The following GLRA2 variants were observed in gnomAD, a reference collection of about 807,000 sequenced individuals.
GLRA2 encodes glycine receptor alpha 2.
In GLRA2, 11 loss-of-function variants were observed where a neutral mutation model predicts 31.6. The ratio of observed to expected loss-of-function variants is 0.35; its 90% CI spans 0.22 to 0.58. GLRA2 has a LOEUF of 0.58. Ranked by LOEUF, GLRA2 falls within the 20% of genes least tolerant of loss-of-function variation. The probability of loss-of-function intolerance (pLI) is 0.84; values close to 1 mark genes in which losing one functional copy is unlikely to be tolerated. For missense variants in GLRA2, 212 were observed against 351.8 expected (o/e 0.60, Z 3.18); for synonymous variants, 132 against 134.0 (o/e 0.99, Z 0.10).
chrX:14,667,144 T>C (rs1387151906), intron 7 of GLRA2, among the ~76,000 whole-genome samples: 3 of 112,296 alleles, frequency 2.7e-5, no homozygotes, highest in African/African-American at 6.5e-5. Flanking sequence ...GATGAGAATT[T>C]ATTTAAGTGA....
At chrX:14,626,169 CAT>C (rs2147114266) in intron 7 of GLRA2, among the ~76,000 whole-genome samples, 1 of 112,195 alleles carries the variant, frequency 8.9e-6, no homozygotes, top group East Asian at 2.8e-4. Context: ...GAAACTAAAA[CAT>C]AAATAGCTTA....
At chrX:14,607,668 G>A (rs903120162) in intron 6 of GLRA2, among the ~76,000 whole-genome samples, 2 of 111,362 alleles carry the variant, frequency 1.8e-5, no homozygotes, top group African/African-American at 6.5e-5. Context: ...CTGTCTTACT[G>A]CCTTAGTGCC....
At chrX:14,467,470 G>A in the GLRA2 span, among the ~76,000 whole-genome samples, 2 of 112,034 alleles carry the variant, frequency 1.8e-5, no homozygotes, top group African/African-American at 6.5e-5. Context: ...TTCTTTAAAT[G>A]TCTTGGAATA....
intron 7 of GLRA2, among the ~76,000 whole-genome samples, chrX:14,666,418 G>C (rs781290663): frequency 1.8e-5 from 2 of 111,861 alleles, no homozygotes; most frequent in East Asian, 5.6e-4. Context: ...AAGAATTGTA[G>C]CAGGAAAGTT....
chrX:14,588,456 C>T (rs1476340472), intron 4 of GLRA2, among the ~76,000 whole-genome samples: 2 of 111,307 alleles, frequency 1.8e-5, no homozygotes, highest in Non-Finnish European at 3.8e-5. Flanking sequence ...GTTTTTGTAC[C>T]AGTACCATGT....
the GLRA2 span, among the ~76,000 whole-genome samples, chrX:14,452,099 A>G: frequency 2.7e-5 from 3 of 112,332 alleles, no homozygotes; most frequent in African/African-American, 9.7e-5. Context: ...TCATGTCCCA[A>G]AACTCAGCAT....
chrX:14,618,988 T>G (rs2090484276), intron 7 of GLRA2, among the ~76,000 whole-genome samples: 1 of 111,718 alleles, frequency 9.0e-6, no homozygotes, highest in African/African-American at 3.3e-5. Context: ...GTTAATTAGA[T>G]CGGACACACC....
At position 14,566,643 on chromosome X, in the gene GLRA2, A is replaced by G. The variant is rs984740788; in HGVS notation, c.203-7690A>G. On this transcript the variant is annotated intron_variant, in intron 2 of 8. Transcript: ENST00000218075. ...GTCTCATATTCTTCTTCCCACCTGAATGGTAGCCAGAGGTAAAACTTAGAG... is the reference window on the plus strand; with the variant it reads ...GTCTCATATTCTTCTTCCCACCTGAGTGGTAGCCAGAGGTAAAACTTAGAG... Among the ~76,000 whole-genome samples, 57 of 111,565 alleles carry G rather than the reference A, an allele frequency of 5.1e-4. 2 individuals are homozygous for G. Among genetic ancestry groups the G allele is most frequent in the Non-Finnish European group, 3.0e-4 (16 of 53,007 alleles).
At chrX:14,587,763 C>T (rs766605244) in intron 4 of GLRA2, among the ~76,000 whole-genome samples, 1 of 111,804 alleles carries the variant, frequency 8.9e-6, no homozygotes, top group East Asian at 2.8e-4. Context: ...TTGATAATTT[C>T]TTTTGCTGTG....
At chrX:14,505,659 A>G in the GLRA2 span, among the ~76,000 whole-genome samples, 1 of 111,900 alleles carries the variant, frequency 8.9e-6, no homozygotes, top group East Asian at 2.8e-4. Context: ...TGGCTGCAAA[A>G]TGAATACTTG....
chrX:14,616,385 G>C (rs1474844783), intron 7 of GLRA2, among the ~76,000 whole-genome samples: 1 of 111,221 alleles, frequency 9.0e-6, no homozygotes, highest in African/African-American at 3.3e-5. Flanking sequence ...CAAGGATCCA[G>C]AGGCATTGTC....
chrX:14,536,082 C>T (rs1359364419), intron 2 of GLRA2, among the ~76,000 whole-genome samples: 3 of 111,970 alleles, frequency 2.7e-5, no homozygotes, highest in Non-Finnish European at 1.9e-5. Context: ...TTGTGCCTGC[C>T]ATGCACACTA....
chrX:14,482,732 A>G, the GLRA2 span, among the ~76,000 whole-genome samples: 1 of 110,928 alleles, frequency 9.0e-6, no homozygotes, highest in Non-Finnish European at 1.9e-5. Flanking sequence ...TTTTTTAATC[A>G]TTATCATAAT....
intron 7 of GLRA2, among the ~76,000 whole-genome samples, chrX:14,666,491 C>A (rs770834191): frequency 1.8e-5 from 2 of 111,864 alleles, no homozygotes; most frequent in Non-Finnish European, 3.8e-5. Flanking sequence ...TTAAGTGCTA[C>A]TATCCAGGAA....
At chrX:14,527,094 A>C (rs955455881), upstream of GLRA2, among the ~76,000 whole-genome samples, 6 of 111,705 alleles carry the variant, frequency 5.4e-5, no homozygotes, top group Non-Finnish European at 1.1e-4. Flanking sequence ...TAGTTACAAG[A>C]AATTCACTGG....
At chrX:14,643,465 CG>C (rs2090797130) in intron 7 of GLRA2, among the ~76,000 whole-genome samples, 1 of 111,275 alleles carries the variant, frequency 9.0e-6, no homozygotes. Flanking sequence ...GAGAAATACC[CG>C]GGGTTAGTTT....
chrX:14,471,087 G>A, the GLRA2 span, among the ~76,000 whole-genome samples: 11 of 111,774 alleles, frequency 9.8e-5, no homozygotes, highest in East Asian at 3.1e-3. Flanking sequence ...AATGGCTTAA[G>A]GACAAATGAT....
chrX:14,631,204 A>G (rs2090641410), intron 7 of GLRA2, among the ~76,000 whole-genome samples: 1 of 111,357 alleles, frequency 9.0e-6, no homozygotes, highest in South Asian at 3.8e-4. Context: ...AATTCAGTAT[A>G]TTTTCCATCT....
chrX:14,564,865 A>G (rs1412687344), intron 2 of GLRA2, among the ~76,000 whole-genome samples: 2 of 111,581 alleles, frequency 1.8e-5, no homozygotes, highest in African/African-American at 6.5e-5. Context: ...GTTAAATGTA[A>G]TTCCCATGGT....
Sources: gnomAD v4.1 joint callset for allele counts (sites outside exome capture counted in the v4.1 genomes callset) on GRCh38, gnomAD v4.1.1 for gene constraint, MANE v1.5 for transcripts, NCBI Gene and HGNC (gene_info 2026-07-23, HGNC 2026-07-21) for gene names.